HOMER1: variants seen among roughly 807,000 people sequenced by gnomAD.
The protein encoded by HOMER1 is homer protein homolog 1.
Under a neutral mutation model 48.9 loss-of-function variants are expected in HOMER1, and 3 were observed. The observed-to-expected ratio is 0.06, with a 90% CI of 0.03 to 0.16. The LOEUF (loss-of-function observed/expected upper bound fraction) is 0.16. Among genes scored for constraint, HOMER1 ranks in the 10% least tolerant of loss-of-function variants. HOMER1 has a pLI of 1.00. For synonymous variants in HOMER1, 134 were observed against 146.4 expected (o/e 0.92, Z 0.61); for missense variants, 247 against 411.4 (o/e 0.60, Z 3.46).
intron 5 of HOMER1, among the ~76,000 whole-genome samples, chr5:79,402,423 C>A (rs1749556644): frequency 6.6e-6 from 1 of 152,158 alleles, no homozygotes; most frequent in South Asian, 2.1e-4. Flanking sequence ...CCTGCCTCAG[C>A]CTCCCAAAGT....
At chr5:79,457,821 T>C (rs1751214104) in intron 1 of HOMER1, among the ~76,000 whole-genome samples, 1 of 152,206 alleles carries the variant, frequency 6.6e-6, no homozygotes, top group African/African-American at 2.4e-5. Context: ...GGCACCTTCA[T>C]GGAAGATGTG....
At chr5:79,463,703 T>C (rs933463412) in intron 1 of HOMER1, among the ~76,000 whole-genome samples, 2 of 152,246 alleles carry the variant, frequency 1.3e-5, no homozygotes, top group Non-Finnish European at 2.9e-5. Context: ...CACTGGTCAT[T>C]CATTCACTTC....
At chr5:79,477,998 G>C (rs185068158) in intron 1 of HOMER1, among the ~76,000 whole-genome samples, 2 of 152,210 alleles carry the variant, frequency 1.3e-5, no homozygotes, top group East Asian at 3.9e-4. Flanking sequence ...GGTACAATAA[G>C]TTATTATTTT....
intron 5 of HOMER1, among the ~76,000 whole-genome samples, chr5:79,415,582 T>C (rs563982414): frequency 3.0e-4 from 45 of 152,358 alleles, no homozygotes; most frequent in Admixed American, 7.8e-4. Flanking sequence ...AGAGTTGTCA[T>C]AGTCATAGTT....
chr5:79,383,457 C>T (rs989616249), intron 8 of HOMER1, among the ~76,000 whole-genome samples: 1 of 151,436 alleles, frequency 6.6e-6, no homozygotes, highest in Non-Finnish European at 1.5e-5. Context: ...GCGATCTCAG[C>T]TCACTGCAAC....
chr5:79,483,938 C>T (rs1442392491), intron 1 of HOMER1, among the ~76,000 whole-genome samples: 6 of 148,190 alleles, frequency 4.0e-5, no homozygotes, highest in African/African-American at 7.5e-5. Flanking sequence ...CATGTAATCT[C>T]GGGAGGCTGA....
At chr5:79,494,775 G>T (rs1289275024) in intron 1 of HOMER1, among the ~76,000 whole-genome samples, 8 of 152,112 alleles carry the variant, frequency 5.3e-5, no homozygotes, top group African/African-American at 1.7e-4. Context: ...AGGCTGAGGC[G>T]GAAGAATCGA....
chr5:79,435,262 T>C (rs1750543632), intron 5 of HOMER1, among the ~76,000 whole-genome samples: 1 of 152,220 alleles, frequency 6.6e-6, no homozygotes, highest in African/African-American at 2.4e-5. Context: ...TCTTTTGACA[T>C]GTTAATTAAC....
At chr5:79,441,801 G>A (rs983995564) in intron 4 of HOMER1, among the ~76,000 whole-genome samples, 13 of 152,044 alleles carry the variant, frequency 8.6e-5, no homozygotes, top group South Asian at 2.1e-4. Context: ...TCCAACTACC[G>A]CAGAGGTAGC....
intron 2 of HOMER1, among the ~76,000 whole-genome samples, chr5:79,451,413 T>C (rs949785215): frequency 5.3e-5 from 8 of 152,084 alleles, no homozygotes; most frequent in Admixed American, 4.6e-4. Flanking sequence ...GTTTTTTCCT[T>C]TTGAATGTTT....
At chr5:79,463,962 A>T (rs942314632) in intron 1 of HOMER1, among the ~76,000 whole-genome samples, 2 of 152,232 alleles carry the variant, frequency 1.3e-5, no homozygotes, top group African/African-American at 2.4e-5. Context: ...GCAACCACTA[A>T]AAGAAATAAA....
rs1215966723 is a variant in HOMER1 at position 79,471,468 on chromosome 5, C to T, written c.6-14450G>A. Among the ~76,000 whole-genome samples, 3 of 147,942 alleles carry T rather than the reference C, an allele frequency of 2.0e-5. No individual in the cohort carries two copies. The East Asian group carries it at 6.1e-4, about 30-fold the overall frequency. The stretch of plus-strand genomic sequence containing the variant: ...AGCTGAGGCAGGAGAATCTCTTGAA[C>T]CTGGGAGGCAGAGGTTGCAGTGAGC... On this transcript the variant is annotated intron_variant, in intron 1 of 8. Transcript: ENST00000334082.
At chr5:79,490,333 T>C (rs936222273) in intron 1 of HOMER1, among the ~76,000 whole-genome samples, 2 of 152,210 alleles carry the variant, frequency 1.3e-5, no homozygotes, top group Admixed American at 6.5e-5. Flanking sequence ...TCTGAATAAA[T>C]TGACAATACC....
intron 1 of HOMER1, among the ~76,000 whole-genome samples, chr5:79,501,143 G>C (rs973828810): frequency 4.0e-5 from 6 of 151,818 alleles, no homozygotes; most frequent in African/African-American, 1.2e-4. Context: ...GCTAATGTTT[G>C]TATTTTTTGT....
intron 5 of HOMER1, among the ~76,000 whole-genome samples, chr5:79,409,434 A>G (rs1230557709): frequency 2.0e-5 from 3 of 151,864 alleles, no homozygotes; most frequent in African/African-American, 7.3e-5. Flanking sequence ...GTCTCAAAAA[A>G]AAAAAAAAAA....
At chr5:79,398,498 T>C (rs1749452094) in intron 6 of HOMER1, among the ~76,000 whole-genome samples, 2 of 152,130 alleles carry the variant, frequency 1.3e-5, no homozygotes, top group Admixed American at 1.3e-4. Context: ...TTCTCTCTCT[T>C]ATATAATTTT....
intron 1 of HOMER1, among the ~76,000 whole-genome samples, chr5:79,511,117 C>A (rs1752931175): frequency 6.6e-6 from 1 of 152,224 alleles, no homozygotes; most frequent in Non-Finnish European, 1.5e-5. Flanking sequence ...TGCTACTACT[C>A]CACAGTCTAG....
rs10527802 is a variant in HOMER1 at position 79,491,075 on chromosome 5, C to CAAAAA, written c.5+21690_5+21694dup. ...TTTTTGGCCTTCAGTAGTACCAAAG[C>CAAAAA]AAAAAAAAAAAAAAAAAAAAAAAAA... is the stretch of plus-strand genomic sequence containing the variant. On this transcript the variant is annotated intron_variant, in intron 1 of 8. Coordinates refer to ENST00000334082, the MANE Select transcript of HOMER1 (RefSeq NM_004272.5). 4.2e-3 allele frequency among the ~76,000 whole-genome samples: 156 copies of CAAAAA among 37,260 alleles called. 22 individuals are homozygous for CAAAAA. Among genetic ancestry groups the CAAAAA allele is most frequent in the Non-Finnish European group, 9.2e-3 (117 of 12,710 alleles). 24.4% of individuals were successfully genotyped at this position (37,260 alleles called of 152,430 possible).
rs1385114780 is a variant in HOMER1 at position 79,451,128 on chromosome 5, A to G, written c.163-7T>C. 11 of 1,609,462 alleles carry G rather than the reference A, an allele frequency of 6.8e-6. No individual in the cohort carries two copies. The South Asian group carries it at 9.9e-5, about 15-fold the overall frequency. ...TGGTACTATTTATTATTGCCTAAAAAATAAAGCAAGTATGAGCAACCAGCA... is the reference window on the plus strand; with the variant it reads ...TGGTACTATTTATTATTGCCTAAAAGATAAAGCAAGTATGAGCAACCAGCA... On this transcript the variant is annotated splice_region_variant and splice_polypyrimidine_tract_variant and intron_variant, in intron 2 of 8. Coordinates refer to ENST00000334082, the MANE Select transcript of HOMER1 (RefSeq NM_004272.5).
Sources: allele counts gnomAD v4.1 joint callset (sites outside exome capture counted in the v4.1 genomes callset), GRCh38; gene constraint gnomAD v4.1.1; transcripts MANE v1.5; gene names NCBI Gene and HGNC (gene_info 2026-07-23, HGNC 2026-07-21).